Variants in NIPBL observed in about 807,000 individuals in gnomAD.
The protein encoded by NIPBL is nipped-B-like protein.
A neutral mutation model predicts 321.8 loss-of-function variants in NIPBL; 19 were observed. That is an observed-to-expected ratio of 0.06 (90% confidence interval 0.04 to 0.09). The LOEUF (loss-of-function observed/expected upper bound fraction) is 0.09. Among genes scored for constraint, NIPBL ranks in the 10% least tolerant of loss-of-function variants. The pLI is 1.00. For synonymous variants in NIPBL, 1,106 were observed against 1,114.1 expected (o/e 0.99, Z 0.14); for missense variants, 2,210 against 3,327.0 (o/e 0.66, Z 8.26).
At chr5:36,945,263 T>C (rs1056418897) in intron 1 of NIPBL, among the ~76,000 whole-genome samples, 21 of 152,156 alleles carry the variant, frequency 1.4e-4, no homozygotes, top group Non-Finnish European at 2.5e-4. Flanking sequence ...AATTAAACTT[T>C]GCATAACTAA....
At chr5:36,960,547 A>G (rs1394357764) in intron 4 of NIPBL, among the ~76,000 whole-genome samples, 6 of 152,172 alleles carry the variant, frequency 3.9e-5, no homozygotes, top group Admixed American at 2.6e-4. Context: ...TTTGAAACCT[A>G]ATTTCATTCA....
chr5:36,892,538 C>G (rs1009501035), intron 1 of NIPBL, among the ~76,000 whole-genome samples: 5 of 152,010 alleles, frequency 3.3e-5, no homozygotes, highest in African/African-American at 1.2e-4. Context: ...GGAACCAACC[C>G]AAATATCCAA....
At chr5:37,005,944 C>G (rs975244500) in intron 16 of NIPBL, among the ~76,000 whole-genome samples, 5 of 151,938 alleles carry the variant, frequency 3.3e-5, no homozygotes, top group African/African-American at 1.2e-4. Flanking sequence ...AAGATTTTAC[C>G]CTTTGTCATT....
At chr5:36,946,051 A>G (rs1739632798) in intron 1 of NIPBL, among the ~76,000 whole-genome samples, 1 of 152,150 alleles carries the variant, frequency 6.6e-6, no homozygotes, top group Non-Finnish European at 1.5e-5. Flanking sequence ...AATGTAATAT[A>G]AACCAGGACA....
intron 1 of NIPBL, among the ~76,000 whole-genome samples, chr5:36,894,384 A>G (rs1215801763): frequency 6.6e-6 from 1 of 152,188 alleles, no homozygotes; most frequent in African/African-American, 2.4e-5. Flanking sequence ...TTTGTCTAAT[A>G]TCTAAAGTTA....
rs1302993086 is a variant in NIPBL, at chr5:37,026,283, G to T, written c.5764G>T (p.Asp1922Tyr). The T allele has an allele frequency of 6.2e-7, 1 of 1,612,218 alleles. No homozygotes were observed. The highest frequency in any genetic ancestry group is 1.3e-5 in the African/African-American group (1 of 74,884). ...CTGGTTTACTCCAACTCCACACAAT[G>T]ACAAAGAAGCAATGACAAGGAAAAT... Reference protein sequence around the residue: ...KLWFTPTPHNDKEAMTRKILN... With the variant: ...KLWFTPTPHNYKEAMTRKILN... Residue 1922 changes from aspartate (D) to tyrosine (Y), a missense_variant, in exon 31 of 47, where the codon GAC (aspartate) becomes TAC (tyrosine). Asp to Tyr is a radical substitution (Grantham distance 160). This residue lies in a region of NIPBL where 69 missense variants were observed against 100.8 expected (regional missense o/e 0.68). Transcript: ENST00000282516.
In NIPBL at chr5:37,008,736, AAC is replaced by A. The variant is rs758641197; in HGVS notation, c.4421+15_4421+16del. 17 of 1,308,322 alleles carry A rather than the reference AAC, an allele frequency of 1.3e-5. No homozygotes were observed. In the Admixed American group the frequency reaches 2.9e-4, roughly 22 times the overall value. The allele number at this position is 1,308,322 out of a possible 1,614,324, so 81.0% of individuals were successfully genotyped here. ...TAAGGAACTTCAGGTAATTAATTATAACAGAGGTCAAGTTTAATGAAGAACCA... is the reference window on the plus strand; with the variant it reads ...TAAGGAACTTCAGGTAATTAATTATAAGAGGTCAAGTTTAATGAAGAACCA... On this transcript the variant is annotated intron_variant, in intron 20 of 46. Coordinates refer to ENST00000282516, the MANE Select transcript of NIPBL (RefSeq NM_133433.4).
chr5:37,000,944 C>G, intron 13 of NIPBL, 45 bp from the exon 14 acceptor site: 1 of 1,582,574 alleles, frequency 6.3e-7, no homozygotes, highest in Non-Finnish European at 8.7e-7. Flanking sequence ...CTTCACATGT[C>G]TACTTGTAAT....
chr5:36,884,751 AT>A (rs1440272213), intron 1 of NIPBL, among the ~76,000 whole-genome samples: 1 of 152,190 alleles, frequency 6.6e-6, no homozygotes, highest in African/African-American at 2.4e-5. Flanking sequence ...TAAATCTAAG[AT>A]TAGTGAATGG....
chr5:37,024,193 A>G (rs1454501397), intron 29 of NIPBL, among the ~76,000 whole-genome samples: 1 of 151,918 alleles, frequency 6.6e-6, no homozygotes, highest in Non-Finnish European at 1.5e-5. Context: ...TAACCATAAG[A>G]TAGTGCCAAA....
At chr5:37,031,246 A>G (rs554733613) in intron 32 of NIPBL, among the ~76,000 whole-genome samples, 205 of 152,266 alleles carry the variant, frequency 1.3e-3, no homozygotes, top group African/African-American at 4.6e-3. Context: ...TTGGCCTCCC[A>G]AAGTGCTGGG....
At chr5:36,935,365 C>T (rs1157099582) in intron 1 of NIPBL, among the ~76,000 whole-genome samples, 1 of 152,118 alleles carries the variant, frequency 6.6e-6, no homozygotes, top group Non-Finnish European at 1.5e-5. Context: ...CTTTGTTAAA[C>T]CTACTCTAAA....
At chr5:36,930,299 A>G (rs888193602) in intron 1 of NIPBL, among the ~76,000 whole-genome samples, 5 of 152,100 alleles carry the variant, frequency 3.3e-5, no homozygotes, top group Non-Finnish European at 7.4e-5. Context: ...TTATTCCCAA[A>G]TATTCTTCAT....
intron 1 of NIPBL, among the ~76,000 whole-genome samples, chr5:36,914,638 T>C (rs1748318051): frequency 6.6e-6 from 1 of 152,232 alleles, no homozygotes; most frequent in Non-Finnish European, 1.5e-5. Flanking sequence ...ATTACGTATA[T>C]GCACATGTGC....
intron 36 of NIPBL, among the ~76,000 whole-genome samples, chr5:37,045,226 C>T (rs1313698775): frequency 3.3e-5 from 5 of 151,846 alleles, no homozygotes; most frequent in Non-Finnish European, 5.9e-5. Context: ...TGGTGGCACA[C>T]GACTGTAATC....
intron 1 of NIPBL, among the ~76,000 whole-genome samples, chr5:36,938,120 C>T (rs182992719): frequency 4.4e-4 from 67 of 152,194 alleles, no homozygotes; most frequent in Non-Finnish European, 7.6e-4. Context: ...TTTTAGTGGG[C>T]GTGACATGAC....
At chr5:36,893,406 T>C (rs1746494662) in intron 1 of NIPBL, among the ~76,000 whole-genome samples, 1 of 152,200 alleles carries the variant, frequency 6.6e-6, no homozygotes, top group Non-Finnish European at 1.5e-5. Flanking sequence ...AAATTAGTAC[T>C]TTCCAAGGTT....
At chr5:36,980,229 A>G (rs549945334) in intron 9 of NIPBL, among the ~76,000 whole-genome samples, 1 of 151,884 alleles carries the variant, frequency 6.6e-6, no homozygotes, top group East Asian at 1.9e-4. Context: ...TTATCTAAAT[A>G]GTTTTTTCTG....
At chr5:36,948,794 T>G (rs1364432975) in intron 1 of NIPBL, among the ~76,000 whole-genome samples, 1 of 151,850 alleles carries the variant, frequency 6.6e-6, no homozygotes, top group African/African-American at 2.4e-5. Context: ...GTAATTGAAG[T>G]GCCATAGAAA....
Sources: gnomAD v4.1 joint callset for allele counts (sites outside exome capture counted in the v4.1 genomes callset) on GRCh38, gnomAD v4.1.1 for gene constraint, gnomAD v4.1.1 regional missense constraint, MANE v1.5 for transcripts, NCBI Gene and HGNC (gene_info 2026-07-23, HGNC 2026-07-21) for gene names.